Variants in ATXN3 observed in about 807,000 individuals in gnomAD.
ATXN3 encodes ataxin-3.
In ATXN3, 28 loss-of-function variants were observed where a neutral mutation model predicts 58.2. The ratio of observed to expected loss-of-function variants is 0.48; its 90% CI spans 0.36 to 0.66. The LOEUF (loss-of-function observed/expected upper bound fraction) is 0.66. Ranked by LOEUF, ATXN3 falls within the 30% of genes least tolerant of loss-of-function variation. The pLI, the probability that ATXN3 is intolerant of heterozygous loss-of-function variation, is 0.00. For synonymous variants in ATXN3, 113 were observed against 138.5 expected, an observed-to-expected ratio of 0.82 and a Z score of 1.29; for missense variants, 321 against 422.1, an observed-to-expected ratio of 0.76 and a Z score of 2.10.
chr14:92,103,028 ATAT>A lies in ATXN3; in HGVS notation c.24+3498_24+3500del, dbSNP rs755717984. Among the ~76,000 whole-genome samples, 4 of 152,106 alleles carry A rather than the reference ATAT, an allele frequency of 2.6e-5. No individual in the cohort carries two copies. The South Asian group carries it at 6.2e-4, about 24-fold the overall frequency. The stretch of plus-strand genomic sequence containing the variant: ...TTATGTACAACCCCAGCAAGTTTAG[ATAT>A]TATTACCAGTTTGCATTACATTAAA... On this transcript the variant is annotated intron_variant, in intron 1 of 10. Coordinates refer to ENST00000644486, the MANE Select transcript of ATXN3 (RefSeq NM_004993.6).
intron 3 of ATXN3, among the ~76,000 whole-genome samples, chr14:92,094,049 T>C (rs1207990265): frequency 6.6e-6 from 1 of 151,516 alleles, no homozygotes; most frequent in Non-Finnish European, 1.5e-5. Flanking sequence ...GTTCAAGCGA[T>C]TCTCCTCCTG....
intron 9 of ATXN3, among the ~76,000 whole-genome samples, chr14:92,075,957 T>G (rs547809200): frequency 1.3e-5 from 2 of 152,228 alleles, no homozygotes; most frequent in South Asian, 4.1e-4. Context: ...CTGAAGCTGG[T>G]AACCATCACT....
At position 92,082,980 on chromosome 14, in the gene ATXN3, G is replaced by A. The variant is rs112656324; in HGVS notation, c.608+146C>T. 125 of 1,006,608 alleles carry A rather than the reference G, an allele frequency of 1.2e-4. No individual in the cohort carries two copies. In the African/African-American group the frequency reaches 1.7e-3, roughly 14 times the overall value. The allele number at this position is 1,006,608 out of a possible 1,614,324, so 62.4% of individuals were successfully genotyped here. A position where few individuals can be genotyped will look rare whatever the true frequency, so the allele number is the denominator to read the frequency against. Reference sequence around the variant, plus strand: ...TAAGTATTTCAAAGAGTTGATTCAAGTTTAAACTAATAAACTTCACTAAAA... The same window carrying A: ...TAAGTATTTCAAAGAGTTGATTCAAATTTAAACTAATAAACTTCACTAAAA... On this transcript the variant is annotated intron_variant, in intron 7 of 10. Coordinates refer to ENST00000644486, the MANE Select transcript of ATXN3 (RefSeq NM_004993.6).
At chr14:92,082,213 T>C in intron 8 of ATXN3, 87 bp downstream of exon 8, 1 of 1,437,664 alleles carries the variant, frequency 7.0e-7, no homozygotes. Flanking sequence ...AAAACACCTC[T>C]AAGAGTACAT....
intron 10 of ATXN3, among the ~76,000 whole-genome samples, 200 bp from the exon 11 acceptor site, chr14:92,064,614 C>T (rs1811024255): frequency 6.6e-6 from 1 of 152,022 alleles, no homozygotes; most frequent in South Asian, 2.1e-4. Context: ...TTCCATTGCC[C>T]CAGAAAATTC....
intron 1 of ATXN3, among the ~76,000 whole-genome samples, chr14:92,105,254 T>C (rs772572450): frequency 1.6e-4 from 24 of 152,008 alleles, no homozygotes; most frequent in Non-Finnish European, 3.1e-4. Context: ...AGACCCCGTC[T>C]CTCCCAAAAA....
chr14:92,088,032 G>A (rs2062972664), intron 6 of ATXN3, among the ~76,000 whole-genome samples: 1 of 151,954 alleles, frequency 6.6e-6, no homozygotes, highest in Non-Finnish European at 1.5e-5. Flanking sequence ...AAGGACAAGG[G>A]ATAGTTTAAT....
At chr14:92,096,492 C>T (rs1014923436) in intron 2 of ATXN3, 182 bp downstream of exon 2, 34 of 753,856 alleles carry the variant, frequency 4.5e-5, no homozygotes, top group African/African-American at 3.2e-4. Flanking sequence ...GGCATAGTGC[C>T]GTGTGCCTGT....
At chr14:92,097,686 C>T (rs574834309) in intron 1 of ATXN3, among the ~76,000 whole-genome samples, 8 of 151,964 alleles carry the variant, frequency 5.3e-5, no homozygotes, top group East Asian at 1.9e-4. Context: ...CCGCCATGCC[C>T]GGCTAATTTT....
At chr14:92,100,008 A>G (rs1270468346) in intron 1 of ATXN3, among the ~76,000 whole-genome samples, 3 of 152,232 alleles carry the variant, frequency 2.0e-5, no homozygotes, top group Non-Finnish European at 4.4e-5. Context: ...AGCACTTCAC[A>G]AGACAGTCAA....
chr14:92,095,999 T>A (rs535819907), intron 3 of ATXN3, 94 bp downstream of exon 3: 1 of 1,039,848 alleles, frequency 9.6e-7, no homozygotes, highest in East Asian at 2.4e-5. Context: ...ACAGAAGAAC[T>A]TCCGAAGGTC....
chr14:92,093,944 G>GTTTT (rs10606586), intron 3 of ATXN3, 113 bp from the exon 4 acceptor site: 18 of 429,680 alleles, frequency 4.2e-5, no homozygotes, highest in South Asian at 1.5e-4. Flanking sequence ...AAGGCTATAG[G>GTTTT]TTTTTTTTTT....
Position 92,102,196 on chromosome 14 carries a change from CAAAGAAAGAAAAG to C in ATXN3, c.24+4320_24+4332del, listed in dbSNP as rs201413769. 5.6e-3 allele frequency among the ~76,000 whole-genome samples: 708 copies of C among 125,958 alleles called. 16 individuals are homozygous for C. Among genetic ancestry groups the C allele is most frequent in the South Asian group, 0.051 (203 of 4,000 alleles). The allele number at this position is 125,958 out of a possible 152,430, so 82.6% of individuals were successfully genotyped here. A position where few individuals can be genotyped will look rare whatever the true frequency, so the allele number is the denominator to read the frequency against. Reference sequence around the variant, plus strand: ...CCAGCCTGGTGACAGAGTGAGACTCCAAAGAAAGAAAAGAAAGAAAGAAAAGAAAGAAGGAAGG... The same window carrying C: ...CCAGCCTGGTGACAGAGTGAGACTCCAAAGAAAGAAAAGAAAGAAGGAAGG... On this transcript the variant is annotated intron_variant, in intron 1 of 10. Transcript: ENST00000644486.
chr14:92,079,285 T>C (rs2061020864), intron 9 of ATXN3: 1 of 244,936 alleles, frequency 4.1e-6, no homozygotes, highest in Non-Finnish European at 6.5e-6. Flanking sequence ...TTTGTATAAA[T>C]TTGGAGTTTA....
At chr14:92,053,358 T>C (rs2057454759), upstream of ATXN3, among the ~76,000 whole-genome samples, 1 of 152,140 alleles carries the variant, frequency 6.6e-6, no homozygotes, top group African/African-American at 2.4e-5. Flanking sequence ...AAAAACCACC[T>C]TGTAGCTAGT....
At chr14:92,050,175 CTG>C (rs1416110983), upstream of ATXN3, among the ~76,000 whole-genome samples, 2 of 144,346 alleles carry the variant, frequency 1.4e-5, no homozygotes, top group Non-Finnish European at 3.0e-5. Flanking sequence ...TGTGTGGTGT[CTG>C]TGTGTTTGTA....
chr14:92,087,109 A>G (rs1419393720), intron 6 of ATXN3, among the ~76,000 whole-genome samples: 2 of 152,224 alleles, frequency 1.3e-5, no homozygotes, highest in Admixed American at 6.5e-5. Flanking sequence ...TTAAAGGTTT[A>G]AAGACATAAG....
At chr14:92,053,451 T>G (rs940178206), upstream of ATXN3, among the ~76,000 whole-genome samples, 16 of 151,564 alleles carry the variant, frequency 1.1e-4, no homozygotes, top group African/African-American at 3.4e-4. Flanking sequence ...AAAGAAAAGG[T>G]ACATAGCCTT....
At chr14:92,068,253 A>G (rs898890421) in intron 10 of ATXN3, among the ~76,000 whole-genome samples, 1 of 152,142 alleles carries the variant, frequency 6.6e-6, no homozygotes. Flanking sequence ...GAAAGGGGAG[A>G]AGTGTACCTT....
Sources: allele counts gnomAD v4.1 joint callset (sites outside exome capture counted in the v4.1 genomes callset), GRCh38; gene constraint gnomAD v4.1.1; transcripts MANE v1.5; gene names NCBI Gene and HGNC (gene_info 2026-07-23, HGNC 2026-07-21).